UNC5D: variants seen among roughly 807,000 people sequenced by gnomAD.
UNC5D encodes the protein netrin receptor UNC5D.
UNC5D carries 39 observed loss-of-function variants against 105.4 expected under a neutral mutation model. That is an observed-to-expected ratio of 0.37 (90% CI 0.29 to 0.48). UNC5D has a LOEUF of 0.48. Among genes scored for constraint, UNC5D ranks in the 20% least tolerant of loss-of-function variants. UNC5D has a pLI of 0.98. For synonymous variants in UNC5D, 452 were observed against 450.4 expected, an observed-to-expected ratio of 1.00 and a Z score of -0.04; for missense variants, 991 against 1,202.4, an observed-to-expected ratio of 0.82 and a Z score of 2.60.
intron 8 of UNC5D, among the ~76,000 whole-genome samples, chr8:35,717,038 G>C (rs556856469): frequency 6.6e-6 from 1 of 152,090 alleles, no homozygotes; most frequent in Non-Finnish European, 1.5e-5. Context: ...TGGTTGCCTC[G>C]TTTTCTGTTT....
chr8:35,357,688 AGAAC>A (rs1801638212), intron 1 of UNC5D, among the ~76,000 whole-genome samples: 1 of 152,214 alleles, frequency 6.6e-6, no homozygotes. Flanking sequence ...GCTAAAACCT[AGAAC>A]GGTGCCTGGT....
chr8:35,758,710 A>C (rs1830623835), intron 13 of UNC5D, among the ~76,000 whole-genome samples: 1 of 152,146 alleles, frequency 6.6e-6, no homozygotes, highest in Non-Finnish European at 1.5e-5. Context: ...TTTCCTCAGA[A>C]ATTTGATTTC....
At chr8:35,433,080 T>C (rs1806760332) in intron 1 of UNC5D, among the ~76,000 whole-genome samples, 1 of 152,220 alleles carries the variant, frequency 6.6e-6, no homozygotes, top group Non-Finnish European at 1.5e-5. Context: ...ACTTAACTGA[T>C]TTCTGATGTT....
rs540711863 is a variant in UNC5D at position 35,577,767 on chromosome 8, G to C, written c.466+9526G>C. Among the ~76,000 whole-genome samples the C allele has an allele frequency of 2.0e-5, 3 of 152,080 alleles. No individual in the cohort carries two copies. In the South Asian group the frequency reaches 6.2e-4, roughly 32 times the overall value. On this transcript the variant is annotated intron_variant, in intron 3 of 16. Coordinates refer to ENST00000404895, the MANE Select transcript of UNC5D (RefSeq NM_080872.4). ...CACAAGATACTTATTAATTACAAAG[G>C]GGTAACTAGATAATAGCATTGCAAA...
At chr8:35,428,631 C>T (rs1563408847) in intron 1 of UNC5D, among the ~76,000 whole-genome samples, 1 of 151,984 alleles carries the variant, frequency 6.6e-6, no homozygotes, top group Non-Finnish European at 1.5e-5. Flanking sequence ...TCTCACTTCC[C>T]CATAAACTTT....
rs183249721 is a variant in UNC5D at position 35,629,052 on chromosome 8, A to G, written c.570+33395A>G. Among the ~76,000 whole-genome samples, 251 of 152,180 alleles carry G rather than the reference A, an allele frequency of 1.6e-3. 1 individual carries two copies. Among genetic ancestry groups the G allele is most frequent in the South Asian group, 1.0e-2 (48 of 4,820 alleles). The stretch of plus-strand genomic sequence containing the variant: ...GCCCATGGAACAGTTTTATATGCAG[A>G]GTTTCTAATTCTTTGCCTTTCTGGT... On this transcript the variant is annotated intron_variant, in intron 4 of 16. Transcript: ENST00000404895.
chr8:35,389,242 C>T (rs1486155364), intron 1 of UNC5D, among the ~76,000 whole-genome samples: 1 of 152,232 alleles, frequency 6.6e-6, no homozygotes, highest in Non-Finnish European at 1.5e-5. Flanking sequence ...TTGAGAAATC[C>T]TGCATTATTC....
chr8:35,769,668 A>G (rs1336790154), intron 15 of UNC5D, among the ~76,000 whole-genome samples: 3 of 152,206 alleles, frequency 2.0e-5, no homozygotes, highest in Middle Eastern at 3.2e-3. Context: ...TATAATGCAT[A>G]AAAACTGTCC....
intron 13 of UNC5D, 109 bp downstream of exon 13, chr8:35,750,918 A>G: frequency 7.5e-7 from 1 of 1,329,254 alleles, no homozygotes; most frequent in African/African-American, 1.4e-5. Flanking sequence ...AAATGAACCC[A>G]CGCCACTGTA....
At chr8:35,484,073 G>C (rs1419312209) in intron 1 of UNC5D, among the ~76,000 whole-genome samples, 1 of 152,076 alleles carries the variant, frequency 6.6e-6, no homozygotes, top group Non-Finnish European at 1.5e-5. Context: ...GACCCTTAAG[G>C]GAAGGCTGAG....
intron 1 of UNC5D, among the ~76,000 whole-genome samples, chr8:35,260,457 A>G (rs1804406825): frequency 2.6e-5 from 4 of 152,080 alleles, no homozygotes; most frequent in Admixed American, 1.3e-4. Context: ...GAAGGGTTTT[A>G]TTTATGCTTA....
intron 1 of UNC5D, among the ~76,000 whole-genome samples, chr8:35,526,116 C>T (rs1813851751): frequency 6.6e-6 from 1 of 152,194 alleles, no homozygotes; most frequent in African/African-American, 2.4e-5. Flanking sequence ...ACGTTTAAGT[C>T]TATGGTTACC....
chr8:35,433,240 G>A (rs1806774993), intron 1 of UNC5D, among the ~76,000 whole-genome samples: 1 of 152,088 alleles, frequency 6.6e-6, no homozygotes, highest in Non-Finnish European at 1.5e-5. Context: ...GTCTCAAGAG[G>A]AGATAGATCT....
intron 7 of UNC5D, among the ~76,000 whole-genome samples, chr8:35,693,971 C>T (rs1826584225): frequency 6.6e-6 from 1 of 151,946 alleles, no homozygotes; most frequent in Non-Finnish European, 1.5e-5. Flanking sequence ...GCATGTACCT[C>T]AAGGTCATAT....
intron 2 of UNC5D, among the ~76,000 whole-genome samples, chr8:35,553,450 C>T (rs567106926): frequency 2.0e-5 from 3 of 151,784 alleles, no homozygotes; most frequent in African/African-American, 4.8e-5. Flanking sequence ...TATTATATAC[C>T]GATTTTTAAA....
rs550000266 is a variant in UNC5D, at chr8:35,676,651, A to G, written c.571-6896A>G. ...ACATGCAAACCCTTATCATACCTGCAGAATATTGGATATAGGTTCAAAAGT... is the reference window on the plus strand; with the variant it reads ...ACATGCAAACCCTTATCATACCTGCGGAATATTGGATATAGGTTCAAAAGT... On this transcript the variant is annotated intron_variant, in intron 4 of 16. Coordinates refer to ENST00000404895, the MANE Select transcript of UNC5D (RefSeq NM_080872.4). 3.7e-4 allele frequency among the ~76,000 whole-genome samples: 56 copies of G among 152,374 alleles called. 1 individual carries two copies. The highest frequency in any genetic ancestry group is 1.2e-3 in the African/African-American group (51 of 41,588).
At chr8:35,733,153 T>C (rs536538496) in intron 11 of UNC5D, among the ~76,000 whole-genome samples, 32 of 152,228 alleles carry the variant, frequency 2.1e-4, no homozygotes, top group African/African-American at 7.7e-4. Flanking sequence ...TTCCCAGATG[T>C]TATCTCTAAG....
chr8:35,782,210 T>C (rs1386220884), intron 16 of UNC5D, among the ~76,000 whole-genome samples: 1 of 152,214 alleles, frequency 6.6e-6, no homozygotes, highest in African/African-American at 2.4e-5. Context: ...GCTTGATGAA[T>C]GGGTCAAATG....
intron 1 of UNC5D, among the ~76,000 whole-genome samples, chr8:35,505,131 A>G (rs893045620): frequency 1.3e-5 from 2 of 152,202 alleles, no homozygotes; most frequent in African/African-American, 4.8e-5. Context: ...TCAAAATCTC[A>G]CGTAATCAAG....
Sources: gnomAD v4.1 joint callset for allele counts (sites outside exome capture counted in the v4.1 genomes callset) on GRCh38, gnomAD v4.1.1 for gene constraint, MANE v1.5 for transcripts, NCBI Gene and HGNC (gene_info 2026-07-23, HGNC 2026-07-21) for gene names.